Variants in SYN3 observed in about 807,000 individuals in gnomAD.
SYN3 encodes synapsin-3.
In SYN3, 35 loss-of-function variants were observed where a neutral mutation model predicts 65.8. The ratio of observed to expected loss-of-function variants is 0.53; its 90% confidence interval spans 0.41 to 0.70. The LOEUF is 0.70. Ranked by LOEUF, SYN3 falls within the 30% of genes least tolerant of loss-of-function variation. SYN3 has a pLI of 0.00. For synonymous variants in SYN3, 270 were observed against 292.9 expected (o/e 0.92, Z 0.80); for missense variants, 680 against 749.0 (o/e 0.91, Z 1.08).
chr22:32,770,380 A>G (rs1018951121), intron 6 of SYN3, among the ~76,000 whole-genome samples: 6 of 152,068 alleles, frequency 3.9e-5, no homozygotes, highest in Non-Finnish European at 5.9e-5. Flanking sequence ...CCCACTGAAT[A>G]AAATAAACTC....
chr22:32,621,638 C>T (rs2059595831), intron 6 of SYN3, among the ~76,000 whole-genome samples: 1 of 152,148 alleles, frequency 6.6e-6, no homozygotes, highest in Admixed American at 6.5e-5. Flanking sequence ...GAAGCGAGTG[C>T]TGCCTTTCCC....
intron 6 of SYN3, among the ~76,000 whole-genome samples, chr22:32,807,785 T>G (rs1050374057): frequency 2.0e-5 from 3 of 151,868 alleles, no homozygotes; most frequent in Non-Finnish European, 4.4e-5. Context: ...ATTATTATAA[T>G]TATATAATAT....
chr22:33,006,651 G>A lies in SYN3; in HGVS notation c.12C>T (p.Leu4=). 8.9e-6 allele frequency: 14 copies of A among 1,577,844 alleles called. No homozygotes were observed. Among genetic ancestry groups the A allele is most frequent in the Non-Finnish European group, 1.2e-5 (14 of 1,161,152 alleles). The change falls in exon 2 of 14, where the codon CTC becomes CTT. Residue 4 remains leucine, a synonymous_variant. Coordinates refer to ENST00000358763, the MANE Select transcript of SYN3 (RefSeq NM_003490.4). The part of the protein sequence containing the change: MNF[L]RRRLSDSSFM... ...AGCTGCTGTCAGAGAGACGTCGCCG[G>A]AGGAAATTCATGGCTGTGGATGGAT...
chr22:32,658,095 GA>G (rs2060167081), intron 6 of SYN3, among the ~76,000 whole-genome samples: 1 of 152,218 alleles, frequency 6.6e-6, no homozygotes, highest in Middle Eastern at 3.4e-3. Flanking sequence ...GGAGGAGAGA[GA>G]AAAAAGGAGG....
At chr22:32,638,753 AT>A (rs1174964699) in intron 6 of SYN3, among the ~76,000 whole-genome samples, 1 of 152,134 alleles carries the variant, frequency 6.6e-6, no homozygotes, top group Non-Finnish European at 1.5e-5. Flanking sequence ...ATTTTCTCCC[AT>A]TCTGTAAGTT....
rs1042478221 is a variant in SYN3, at chr22:32,779,940, G to C, written c.711+84975C>G. 2.0e-5 allele frequency among the ~76,000 whole-genome samples: 3 copies of C among 151,982 alleles called. No individual in the cohort carries two copies. In the East Asian group the frequency reaches 5.8e-4, roughly 29 times the overall value. On this transcript the variant is annotated intron_variant, in intron 6 of 13. Transcript: ENST00000358763. Reference sequence around the variant, plus strand: ...AAGCGCTCCCTTTTATGGTGAGGCGGTGCAAACCTCTGCATCTGCCTCCAG... The same window carrying C: ...AAGCGCTCCCTTTTATGGTGAGGCGCTGCAAACCTCTGCATCTGCCTCCAG...
chr22:32,524,429 A>T (rs996762280), intron 12 of SYN3, among the ~76,000 whole-genome samples: 1 of 152,240 alleles, frequency 6.6e-6, no homozygotes, highest in Non-Finnish European at 1.5e-5. Flanking sequence ...CTTAAGAATG[A>T]TGCTAAATCT....
chr22:32,520,373 G>C (rs1209046382), intron 12 of SYN3, among the ~76,000 whole-genome samples: 2 of 151,704 alleles, frequency 1.3e-5, no homozygotes, highest in Non-Finnish European at 1.5e-5. Flanking sequence ...CTGGCCTCAA[G>C]CAATTCTCCC....
At chr22:32,787,195 G>A (rs1046479982) in intron 6 of SYN3, among the ~76,000 whole-genome samples, 8 of 151,602 alleles carry the variant, frequency 5.3e-5, no homozygotes, top group Non-Finnish European at 7.4e-5. Flanking sequence ...TTACAGGTGC[G>A]TGCCACCACA....
At chr22:32,659,226 AGAAGCAATAGG>A (rs1474684365) in intron 6 of SYN3, among the ~76,000 whole-genome samples, 35 of 152,316 alleles carry the variant, frequency 2.3e-4, no homozygotes, top group Non-Finnish European at 4.0e-4. Context: ...ATTTTATCTA[AGAAGCAATAGG>A]GAGCCATTGA....
chr22:32,617,011 C>T (rs57696440), intron 6 of SYN3, among the ~76,000 whole-genome samples: 14,512 of 152,066 alleles, frequency 0.095, 1,530 homozygotes, highest in African/African-American at 0.26. Flanking sequence ...CAATGGAAGG[C>T]GCTGCGGGAG....
At chr22:32,987,364 A>G (rs2052558711) in intron 2 of SYN3, among the ~76,000 whole-genome samples, 1 of 152,162 alleles carries the variant, frequency 6.6e-6, no homozygotes, top group African/African-American at 2.4e-5. Flanking sequence ...GGCAGGCTGG[A>G]TGGGCAGAGA....
chr22:32,707,413 T>A (rs185707049), intron 6 of SYN3, among the ~76,000 whole-genome samples: 48 of 152,334 alleles, frequency 3.2e-4, no homozygotes, highest in Admixed American at 2.9e-3. Context: ...CTGAGAAGCA[T>A]GGGCCTCAGC....
intron 6 of SYN3, among the ~76,000 whole-genome samples, chr22:32,767,723 T>C (rs1319298236): frequency 6.6e-6 from 1 of 152,222 alleles, no homozygotes; most frequent in Non-Finnish European, 1.5e-5. Flanking sequence ...TCTTTCTTTC[T>C]CTGAGAACAT....
At chr22:32,833,713 G>A (rs370319982) in intron 6 of SYN3, 43 of 474,358 alleles carry the variant, frequency 9.1e-5, no homozygotes, top group Admixed American at 4.7e-4. Flanking sequence ...CACCACTTCC[G>A]CATTAGATGA....
chr22:32,720,661 T>G (rs1459587597), intron 6 of SYN3, among the ~76,000 whole-genome samples: 1 of 152,342 alleles, frequency 6.6e-6, no homozygotes, highest in East Asian at 1.9e-4. Flanking sequence ...TGGAGGAAAC[T>G]GAGGACCAGA....
At chr22:32,550,892 A>C (rs1196649012) in intron 7 of SYN3, among the ~76,000 whole-genome samples, 1 of 152,180 alleles carries the variant, frequency 6.6e-6, no homozygotes. Context: ...GAAGACACAT[A>C]AATCAACTCA....
chr22:32,830,667 C>T (rs545493817), intron 6 of SYN3, among the ~76,000 whole-genome samples: 5 of 152,172 alleles, frequency 3.3e-5, no homozygotes, highest in African/African-American at 4.8e-5. Flanking sequence ...GCCACCCCCC[C>T]GCCCCCGCAA....
At chr22:32,650,279 C>CTTTTTTTTTTTTTTTTT (rs1371405589) in intron 6 of SYN3, among the ~76,000 whole-genome samples, 13 of 111,816 alleles carry the variant, frequency 1.2e-4, no homozygotes, top group African/African-American at 4.0e-4. Context: ...CTCTCTCTTT[C>CTTTTTTTTTTTTTTTTT]TTTTTGAGAC....
Sources: allele counts gnomAD v4.1 joint callset (sites outside exome capture counted in the v4.1 genomes callset), GRCh38; gene constraint gnomAD v4.1.1; transcripts MANE v1.5; gene names NCBI Gene and HGNC (gene_info 2026-07-23, HGNC 2026-07-21).